The following ZNF385C variants were observed in gnomAD, a reference collection of about 807,000 sequenced individuals.
The protein encoded by ZNF385C is zinc finger protein 385C.
In ZNF385C, 28 loss-of-function variants were observed where a neutral mutation model predicts 35.4. The observed-to-expected ratio is 0.79, with a 90% CI of 0.59 to 1.08. The LOEUF (loss-of-function observed/expected upper bound fraction) is 1.08, where lower values mean the gene tolerates loss of function less well. Among genes scored for constraint, ZNF385C ranks in the 50% least tolerant of loss-of-function variants. ZNF385C has a pLI of 0.00. For missense variants in ZNF385C, 605 were observed against 595.6 expected (o/e 1.02, Z -0.16); for synonymous variants, 248 against 248.2 (o/e 1.00, Z 0.01).
intron 2 of ZNF385C, chr17:42,040,841 G>T: frequency 1.6e-6 from 2 of 1,232,370 alleles, no homozygotes; most frequent in Admixed American, 4.2e-5. Context: ...CGGCCAGGGA[G>T]ACAATGCAGC....
At chr17:42,073,905 C>T (rs2053657969) in intron 1 of ZNF385C, among the ~76,000 whole-genome samples, 1 of 152,212 alleles carries the variant, frequency 6.6e-6, no homozygotes, top group Non-Finnish European at 1.5e-5. Context: ...TGGGGAGCCT[C>T]AGGGATGCCT....
At position 42,027,228 on chromosome 17, in the gene ZNF385C, G is replaced by A. The variant is rs948119766; in HGVS notation, c.1276-95C>T. The A allele has an allele frequency of 4.3e-6, 5 of 1,170,670 alleles. No homozygotes were observed. The African/African-American group carries it at 5.0e-5, about 12-fold the overall frequency. 72.5% of individuals were successfully genotyped at this position (1,170,670 alleles called of 1,614,324 possible). On this transcript the variant is annotated intron_variant, in intron 8 of 8. Transcript: ENST00000692273. Reference sequence around the variant, plus strand: ...CCTCAAGCTTTTTGCTGCAGGGAAAGCGTGCCTTTTAGAGTTCCAAACCTA... The same window carrying A: ...CCTCAAGCTTTTTGCTGCAGGGAAAACGTGCCTTTTAGAGTTCCAAACCTA...
chr17:42,096,864 A>G (rs1310730437), intron 1 of ZNF385C, among the ~76,000 whole-genome samples: 2 of 147,408 alleles, frequency 1.4e-5, no homozygotes, highest in Non-Finnish European at 3.0e-5. Context: ...GGAGGAGGTG[A>G]GGGGCCCTGG....
intron 2 of ZNF385C, chr17:42,039,688 A>AG: frequency 8.1e-7 from 1 of 1,232,342 alleles, no homozygotes; most frequent in Non-Finnish European, 1.0e-6. Flanking sequence ...GGATGGGCCG[A>AG]GGGAAGGAGG....
At chr17:42,091,126 G>A (rs1203337746) in intron 1 of ZNF385C, among the ~76,000 whole-genome samples, 3 of 152,054 alleles carry the variant, frequency 2.0e-5, no homozygotes, top group African/African-American at 7.2e-5. Context: ...CCATTTCAGT[G>A]GGAGAACAAA....
At chr17:42,060,358 C>T (rs562754532) in intron 2 of ZNF385C, among the ~76,000 whole-genome samples, 2 of 152,220 alleles carry the variant, frequency 1.3e-5, no homozygotes, top group African/African-American at 4.8e-5. Context: ...CTGCTCAAAC[C>T]GCTTCTGCAA....
At chr17:42,042,818 TC>T in intron 2 of ZNF385C, 1 of 1,232,138 alleles carries the variant, frequency 8.1e-7, no homozygotes, top group Non-Finnish European at 1.0e-6. Flanking sequence ...CCCCCATACT[TC>T]TGGCTGTCAC....
chr17:42,045,794 C>A (rs2053147661), intron 2 of ZNF385C, among the ~76,000 whole-genome samples: 1 of 152,222 alleles, frequency 6.6e-6, no homozygotes, highest in Non-Finnish European at 1.5e-5. Context: ...ATAGATCCAA[C>A]TGTGTCACTC....
chr17:42,045,728 G>C (rs1482494515), intron 2 of ZNF385C, among the ~76,000 whole-genome samples: 1 of 152,110 alleles, frequency 6.6e-6, no homozygotes, highest in Non-Finnish European at 1.5e-5. Context: ...GTCTCTGCAT[G>C]GTCATTTCCC....
intron 1 of ZNF385C, among the ~76,000 whole-genome samples, chr17:42,097,944 G>T (rs1293856053): frequency 6.6e-6 from 1 of 152,154 alleles, no homozygotes; most frequent in African/African-American, 2.4e-5. Context: ...AAAATCCCAG[G>T]CCCCAGCTCA....
chr17:42,072,713 G>A (rs2053642540), intron 1 of ZNF385C, among the ~76,000 whole-genome samples: 2 of 151,924 alleles, frequency 1.3e-5, no homozygotes, highest in African/African-American at 4.8e-5. Flanking sequence ...GCAGGTGCCA[G>A]GAGCCGCGCC....
At chr17:42,040,846 T>C in intron 2 of ZNF385C, 1 of 1,232,294 alleles carries the variant, frequency 8.1e-7, no homozygotes, top group Non-Finnish European at 1.0e-6. Context: ...AGGGAGACAA[T>C]GCAGCTCTGC....
At chr17:42,037,119 A>G (rs190363681) in intron 3 of ZNF385C, among the ~76,000 whole-genome samples, 1 of 152,246 alleles carries the variant, frequency 6.6e-6, no homozygotes, top group Admixed American at 6.5e-5. Flanking sequence ...ATGCACACAA[A>G]GGGCACATGA....
intron 4 of ZNF385C, among the ~76,000 whole-genome samples, chr17:42,033,152 G>C (rs1006808831): frequency 1.3e-5 from 2 of 152,056 alleles, no homozygotes; most frequent in Non-Finnish European, 2.9e-5. Context: ...TGAAACATGG[G>C]AAAGACAGGC....
intron 2 of ZNF385C, among the ~76,000 whole-genome samples, chr17:42,044,909 C>T (rs2053118045): frequency 7.3e-6 from 1 of 137,814 alleles, no homozygotes; most frequent in East Asian, 2.2e-4. Flanking sequence ...CAAAACCTGC[C>T]AACTCTACCT....
chr17:42,080,274 T>TC, intron 1 of ZNF385C, among the ~76,000 whole-genome samples: 1 of 152,288 alleles, frequency 6.6e-6, no homozygotes, highest in East Asian at 1.9e-4. Flanking sequence ...TGGCCACCTT[T>TC]CCTCTTACTT....
intron 5 of ZNF385C, 95 bp downstream of exon 5, chr17:42,031,524 A>C: frequency 2.8e-6 from 4 of 1,447,618 alleles, no homozygotes; most frequent in Non-Finnish European, 3.7e-6. Flanking sequence ...GAATACTCCA[A>C]CACAAGCAAA....
At chr17:42,089,277 C>T (rs2053840786) in intron 1 of ZNF385C, among the ~76,000 whole-genome samples, 1 of 151,988 alleles carries the variant, frequency 6.6e-6, no homozygotes, top group Non-Finnish European at 1.5e-5. Flanking sequence ...GATCACACCA[C>T]CACACTCCAG....
chr17:42,075,211 A>T (rs555693364), intron 1 of ZNF385C, among the ~76,000 whole-genome samples: 4 of 152,222 alleles, frequency 2.6e-5, no homozygotes, highest in African/African-American at 9.6e-5. Flanking sequence ...GCCTTTGAAG[A>T]TGTGCCTCCC....
Sources: allele counts gnomAD v4.1 joint callset (sites outside exome capture counted in the v4.1 genomes callset), GRCh38; gene constraint gnomAD v4.1.1; transcripts MANE v1.5; gene names NCBI Gene and HGNC (gene_info 2026-07-23, HGNC 2026-07-21).